NFIB: variants seen among roughly 807,000 people sequenced by gnomAD.
The protein encoded by NFIB is nuclear factor I B, also known as nuclear factor 1 B-type.
In NFIB, 11 loss-of-function variants were observed where a neutral mutation model predicts 61.5. The observed-to-expected ratio is 0.18, with a 90% CI of 0.11 to 0.30. The LOEUF (loss-of-function observed/expected upper bound fraction) is 0.30. NFIB is among the 10% of genes least tolerant of loss of function. NFIB has a pLI of 1.00. For synonymous variants in NFIB, 260 were observed against 216.5 expected, an observed-to-expected ratio of 1.20 and a Z score of -1.76; for missense variants, 471 against 608.9, an observed-to-expected ratio of 0.77 and a Z score of 2.38.
intron 3 of NFIB, among the ~76,000 whole-genome samples, chr9:14,173,497 GA>G (rs1373956286): frequency 1.3e-5 from 2 of 152,046 alleles, no homozygotes; most frequent in Non-Finnish European, 2.9e-5. Flanking sequence ...AAACATTTGG[GA>G]AAAGCAAGGT....
chr9:14,418,401 C>A, the NFIB span, among the ~76,000 whole-genome samples: 1 of 152,166 alleles, frequency 6.6e-6, no homozygotes, highest in African/African-American at 2.4e-5. Context: ...CTGGCACATA[C>A]CACTGTTACT....
At chr9:14,499,127 T>C in the NFIB span, among the ~76,000 whole-genome samples, 1 of 152,156 alleles carries the variant, frequency 6.6e-6, no homozygotes, top group South Asian at 2.1e-4. Context: ...GGAGTATTAA[T>C]ACTGAAGATT....
At chr9:14,338,722 T>G (rs1234652420) in intron 1 of NFIB, among the ~76,000 whole-genome samples, 4 of 152,184 alleles carry the variant, frequency 2.6e-5, no homozygotes, top group Admixed American at 2.6e-4. Flanking sequence ...CTTTTCTTCT[T>G]TTCTTCCTTC....
At chr9:14,471,973 C>T in the NFIB span, among the ~76,000 whole-genome samples, 1 of 152,336 alleles carries the variant, frequency 6.6e-6, no homozygotes, top group Non-Finnish European at 1.5e-5. Context: ...CCATCTCCGA[C>T]CTGCAGGTTA....
At chr9:14,524,554 G>C in the NFIB span, among the ~76,000 whole-genome samples, 1 of 152,142 alleles carries the variant, frequency 6.6e-6, no homozygotes, top group Non-Finnish European at 1.5e-5. Flanking sequence ...TGAAAAATGT[G>C]AGTTGAACCG....
the NFIB span, among the ~76,000 whole-genome samples, chr9:14,428,729 C>T: frequency 6.6e-6 from 1 of 152,160 alleles, no homozygotes; most frequent in African/African-American, 2.4e-5. Flanking sequence ...TTTAAAATCA[C>T]CTCTGGATAA....
intron 2 of NFIB, among the ~76,000 whole-genome samples, chr9:14,267,691 A>C (rs1188513742): frequency 2.0e-5 from 3 of 152,240 alleles, no homozygotes; most frequent in East Asian, 3.8e-4. Flanking sequence ...TTCCCTGTGA[A>C]TAGACAGTGA....
chr9:14,360,826 G>T (rs910252361), intron 1 of NFIB, among the ~76,000 whole-genome samples: 5 of 152,026 alleles, frequency 3.3e-5, no homozygotes, highest in African/African-American at 1.2e-4. Flanking sequence ...TCAAGCCTGG[G>T]ATTACAGGCT....
chr9:14,530,738 A>G, the NFIB span, among the ~76,000 whole-genome samples: 1 of 152,154 alleles, frequency 6.6e-6, no homozygotes, highest in African/African-American at 2.4e-5. Flanking sequence ...GGCACAGTGG[A>G]TGAGCTGACC....
At chr9:14,389,758 G>A (rs1187407316) in intron 1 of NFIB, among the ~76,000 whole-genome samples, 4 of 151,916 alleles carry the variant, frequency 2.6e-5, no homozygotes, top group Non-Finnish European at 5.9e-5. Flanking sequence ...CACCCCCAAA[G>A]ACTCTTTATT....
chr9:14,384,001 G>T (rs913957501), intron 1 of NFIB, among the ~76,000 whole-genome samples: 2 of 152,226 alleles, frequency 1.3e-5, no homozygotes, highest in African/African-American at 4.8e-5. Flanking sequence ...AAAGGCCGGG[G>T]TGCCCAGGCT....
intron 4 of NFIB, among the ~76,000 whole-genome samples, chr9:14,150,574 T>G (rs2042756059): frequency 6.6e-6 from 1 of 152,118 alleles, no homozygotes. Flanking sequence ...CTCTGCTAGT[T>G]AAAAATGCCT....
Position 14,313,787 on chromosome 9 carries a change from C to G in NFIB, c.-276G>C. ...GCGCGCTGGCCGTGCTTGCCGAGGC[C>G]GCCGCCGCCGCCGGTGTTGGCTGCT... On this transcript the variant is annotated 5_prime_UTR_variant, in exon 1 of 11. Coordinates refer to ENST00000380953, the MANE Select transcript of NFIB (RefSeq NM_001190737.2). This position sits in a 1 kb window ranked among gnomAD's most constrained non-coding sequence, Gnocchi z 4.5. 7.7e-7 allele frequency: 1 copy of G among 1,294,748 alleles called. No individual in the cohort carries two copies. Among genetic ancestry groups the G allele is most frequent in the Non-Finnish European group, 9.8e-7 (1 of 1,018,890 alleles). The allele number at this position is 1,294,748 out of a possible 1,614,324, so 80.2% of individuals were successfully genotyped here.
At chr9:14,294,685 A>G (rs1023937357) in intron 2 of NFIB, among the ~76,000 whole-genome samples, 12 of 152,198 alleles carry the variant, frequency 7.9e-5, no homozygotes, top group African/African-American at 2.9e-4. Context: ...CACCCTAGTT[A>G]CCCTTTAACT....
At chr9:14,301,883 G>C (rs1176053079) in intron 2 of NFIB, among the ~76,000 whole-genome samples, 1 of 152,186 alleles carries the variant, frequency 6.6e-6, no homozygotes, top group African/African-American at 2.4e-5. Flanking sequence ...ATGCCAATAA[G>C]AGCCCTTCTT....
the NFIB span, among the ~76,000 whole-genome samples, chr9:14,531,261 C>T: frequency 2.6e-5 from 4 of 152,186 alleles, no homozygotes; most frequent in African/African-American, 4.8e-5. Context: ...CCTTCTTCCC[C>T]ACATTTGCAG....
the NFIB span, among the ~76,000 whole-genome samples, chr9:14,530,308 T>C: frequency 6.6e-6 from 1 of 152,132 alleles, no homozygotes; most frequent in Non-Finnish European, 1.5e-5. Flanking sequence ...TACTAAAGTA[T>C]AGTAAGAGAT....
intron 2 of NFIB, among the ~76,000 whole-genome samples, chr9:14,233,800 A>T (rs1195667028): frequency 1.3e-5 from 2 of 152,176 alleles, no homozygotes; most frequent in African/African-American, 4.8e-5. Context: ...ATGTACAAAG[A>T]CAAAATTAAC....
At chr9:14,326,634 A>T (rs932302654) in intron 1 of NFIB, among the ~76,000 whole-genome samples, 45 of 151,244 alleles carry the variant, frequency 3.0e-4, no homozygotes, top group Admixed American at 2.8e-3. Flanking sequence ...CTAAATAGAG[A>T]CAGACTCAGA....
Sources: allele counts gnomAD v4.1 joint callset (sites outside exome capture counted in the v4.1 genomes callset), GRCh38; gene constraint gnomAD v4.1.1; non-coding constraint Gnocchi (gnomAD v3.1); transcripts MANE v1.5; gene names NCBI Gene and HGNC (gene_info 2026-07-23, HGNC 2026-07-21).